Variants in SPSB1 observed in about 807,000 individuals in gnomAD.
SPSB1 encodes the protein splA/ryanodine receptor domain and SOCS box containing 1.
SPSB1 carries 8 observed loss-of-function variants against 21.2 expected under a neutral mutation model. The observed-to-expected ratio is 0.38, with a 90% CI of 0.22 to 0.68. SPSB1 has a LOEUF of 0.68. Ranked by LOEUF, SPSB1 falls within the 30% of genes least tolerant of loss-of-function variation. The probability of loss-of-function intolerance (pLI) is 0.53; values close to 1 mark genes in which losing one functional copy is unlikely to be tolerated. For synonymous variants in SPSB1, 169 were observed against 161.7 expected (o/e 1.05, Z -0.34); for missense variants, 242 against 377.8 (o/e 0.64, Z 2.98).
intron 1 of SPSB1, among the ~76,000 whole-genome samples, chr1:9,354,869 T>C (rs1047674598): frequency 2.0e-5 from 3 of 151,218 alleles, no homozygotes; most frequent in Non-Finnish European, 4.4e-5. Context: ...GTGAGATCTC[T>C]CCCCCAACCC....
At chr1:9,308,077 C>T (rs17377443) in intron 1 of SPSB1, among the ~76,000 whole-genome samples, 8,561 of 152,250 alleles carry the variant, frequency 0.056, 336 homozygotes, top group South Asian at 0.16. Context: ...CCTGTTAACC[C>T]GTCTGGGACC....
At chr1:9,318,180 AG>A (rs1262991225) in intron 1 of SPSB1, among the ~76,000 whole-genome samples, 1 of 152,210 alleles carries the variant, frequency 6.6e-6, no homozygotes, top group Non-Finnish European at 1.5e-5. Flanking sequence ...CAGTGGGGGA[AG>A]GTGGGTGTGG....
At position 9,293,672 on chromosome 1, in the gene SPSB1, T is replaced by A. The variant is rs1345653795; in HGVS notation, c.-150+601T>A. Among the ~76,000 whole-genome samples the A allele has an allele frequency of 6.6e-6, 1 of 151,938 alleles. No homozygotes were observed. Among genetic ancestry groups the A allele is most frequent in the Non-Finnish European group, 1.5e-5 (1 of 67,944 alleles). ...AGCAGCGGAGGGAGAGCCGGAGGGT[T>A]GTCAGGAAATCGATTAAATCAGAAA... On this transcript the variant is annotated intron_variant, in intron 1 of 2. Coordinates refer to ENST00000328089, the MANE Select transcript of SPSB1 (RefSeq NM_025106.4). This position sits in a 1 kb window ranked among gnomAD's most constrained non-coding sequence, Gnocchi z 5.1.
At chr1:9,314,272 G>A (rs1557448878) in intron 1 of SPSB1, among the ~76,000 whole-genome samples, 4 of 151,848 alleles carry the variant, frequency 2.6e-5, no homozygotes, top group Admixed American at 1.3e-4. Flanking sequence ...CTGCTGGGCC[G>A]GGAGTAGATC....
chr1:9,298,378 ATGAATGAG>A (rs58852106), intron 1 of SPSB1, among the ~76,000 whole-genome samples: 39,553 of 130,606 alleles, frequency 0.3, 5,426 homozygotes, highest in South Asian at 0.34. Flanking sequence ...CCATGAATGA[ATGAATGAG>A]TGAATGAATG....
chr1:9,306,549 G>A (rs1416977385), intron 1 of SPSB1, among the ~76,000 whole-genome samples: 1 of 152,182 alleles, frequency 6.6e-6, no homozygotes, highest in African/African-American at 2.4e-5. Flanking sequence ...GATACCTATA[G>A]GGTAGGTACT....
chr1:9,348,013 C>T lies in SPSB1; in HGVS notation c.-149-7730C>T, dbSNP rs771659792. Among the ~76,000 whole-genome samples, 2 of 149,690 alleles carry T rather than the reference C, an allele frequency of 1.3e-5. No individual in the cohort carries two copies. The highest frequency in any genetic ancestry group is 2.1e-4 in the South Asian group (1 of 4,706). ...AGGTTCGAGTGCAGTGGTGCGATCT[C>T]GGCTCACTGCAACCTCCGCCTCCTG... On this transcript the variant is annotated intron_variant, in intron 1 of 2. Coordinates refer to ENST00000328089, the MANE Select transcript of SPSB1 (RefSeq NM_025106.4). The surrounding 1 kb of genome is among the most constrained non-coding windows in gnomAD (Gnocchi z 4.8).
At chr1:9,365,750 G>A (rs1242375883) in intron 2 of SPSB1, among the ~76,000 whole-genome samples, 1 of 152,196 alleles carries the variant, frequency 6.6e-6, no homozygotes, top group Non-Finnish European at 1.5e-5. Flanking sequence ...TTTACTGGTA[G>A]GATGGAGTTT....
At position 9,293,767 on chromosome 1, in the gene SPSB1, G is replaced by C. The variant is rs1639160959; in HGVS notation, c.-150+696G>C. Among the ~76,000 whole-genome samples the C allele has an allele frequency of 6.6e-6, 1 of 152,282 alleles. No individual in the cohort carries two copies. Among genetic ancestry groups the C allele is most frequent in the South Asian group, 2.1e-4 (1 of 4,818 alleles). ...CCGTCCCCGGGCGTGTACTGGGCTC[G>C]GTGGCGTCCAGGTTCCGGTGAGGAC... is the stretch of plus-strand genomic sequence containing the variant. On this transcript the variant is annotated intron_variant, in intron 1 of 2. Coordinates refer to ENST00000328089, the MANE Select transcript of SPSB1 (RefSeq NM_025106.4). The surrounding 1 kb of genome is among the most constrained non-coding windows in gnomAD (Gnocchi z 5.1).
At chr1:9,310,554 A>G (rs1639500251) in intron 1 of SPSB1, among the ~76,000 whole-genome samples, 1 of 151,980 alleles carries the variant, frequency 6.6e-6, no homozygotes, top group South Asian at 2.1e-4. Context: ...AATTAGCTGG[A>G]TGTGATGGTG....
chr1:9,336,182 A>T (rs1386847165), intron 1 of SPSB1, among the ~76,000 whole-genome samples: 1 of 152,040 alleles, frequency 6.6e-6, no homozygotes, highest in East Asian at 1.9e-4. Flanking sequence ...TTGTTAACTC[A>T]CTTTGAATTT....
At chr1:9,319,909 C>T (rs1467642455) in intron 1 of SPSB1, among the ~76,000 whole-genome samples, 2 of 152,126 alleles carry the variant, frequency 1.3e-5, no homozygotes, top group Non-Finnish European at 2.9e-5. Context: ...GCCTATCTAG[C>T]CCCAGACCTC....
At position 9,345,044 on chromosome 1, in the gene SPSB1, T is replaced by C. The variant is rs74765885; in HGVS notation, c.-149-10699T>C. Among the ~76,000 whole-genome samples the C allele has an allele frequency of 0.016, 2,503 of 152,170 alleles. 65 individuals carry two copies. The highest frequency in any genetic ancestry group is 0.056 in the African/African-American group (2,309 of 41,498). On this transcript the variant is annotated intron_variant, in intron 1 of 2. Coordinates refer to ENST00000328089, the MANE Select transcript of SPSB1 (RefSeq NM_025106.4). The surrounding 1 kb of genome is among the most constrained non-coding windows in gnomAD (Gnocchi z 4.8). ...CCTTGTTGGGGGAAAGTGGCAGACT[T>C]TGGATGCACTCCAGCCTCTTCCTCT...
chr1:9,339,441 G>A (rs1640055559), intron 1 of SPSB1, among the ~76,000 whole-genome samples: 1 of 152,196 alleles, frequency 6.6e-6, no homozygotes, highest in South Asian at 2.1e-4. Context: ...ACGGAGAGGT[G>A]CTCTGAGACG....
chr1:9,353,108 C>G (rs957269922), intron 1 of SPSB1, among the ~76,000 whole-genome samples: 1 of 152,098 alleles, frequency 6.6e-6, no homozygotes, highest in Non-Finnish European at 1.5e-5. Context: ...GGGCACCAAG[C>G]TGGAGGGGGT....
chr1:9,350,047 T>C (rs1423921099), intron 1 of SPSB1, among the ~76,000 whole-genome samples: 1 of 151,246 alleles, frequency 6.6e-6, no homozygotes, highest in Non-Finnish European at 1.5e-5. Context: ...ACCACACACA[T>C]ATACACACAT....
At position 9,324,561 on chromosome 1, in the gene SPSB1, G is replaced by A. The variant is rs531040819; in HGVS notation, c.-149-31182G>A. Among the ~76,000 whole-genome samples the A allele has an allele frequency of 6.6e-6, 1 of 152,308 alleles. No individual in the cohort carries two copies. Among genetic ancestry groups the A allele is most frequent in the South Asian group, 2.1e-4 (1 of 4,830 alleles). ...GGAAACCAGCTTGGGTGGGGAGGGG[G>A]AGTCAAGACAAAAGCCTGGTTGTGC... is the stretch of plus-strand genomic sequence containing the variant. On this transcript the variant is annotated intron_variant, in intron 1 of 2. Coordinates refer to ENST00000328089, the MANE Select transcript of SPSB1 (RefSeq NM_025106.4). The surrounding 1 kb of genome is among the most constrained non-coding windows in gnomAD (Gnocchi z 4.3).
At chr1:9,340,284 G>T (rs932763656) in intron 1 of SPSB1, among the ~76,000 whole-genome samples, 1 of 152,176 alleles carries the variant, frequency 6.6e-6, no homozygotes, top group Non-Finnish European at 1.5e-5. Flanking sequence ...GAGGGGCCTG[G>T]GGGGGAAGGC....
chr1:9,298,128 C>A (rs550002361), intron 1 of SPSB1, among the ~76,000 whole-genome samples: 174 of 152,280 alleles, frequency 1.1e-3, no homozygotes, highest in African/African-American at 3.9e-3. Flanking sequence ...TTGTGTGGAT[C>A]TATGGCATTG....
Sources: gnomAD v4.1 joint callset for allele counts (sites outside exome capture counted in the v4.1 genomes callset) on GRCh38, gnomAD v4.1.1 for gene constraint, Gnocchi (gnomAD v3.1) non-coding constraint, MANE v1.5 for transcripts, NCBI Gene and HGNC (gene_info 2026-07-23, HGNC 2026-07-21) for gene names.